The following PTPRT variants were observed in gnomAD, a reference collection of about 807,000 sequenced individuals.
PTPRT encodes receptor-type tyrosine-protein phosphatase T.
PTPRT carries 56 observed loss-of-function variants against 176.8 expected under a neutral mutation model. The observed-to-expected ratio is 0.32, with a 90% CI of 0.26 to 0.40. The LOEUF (loss-of-function observed/expected upper bound fraction) is 0.40, where lower values mean the gene tolerates loss of function less well. Ranked by LOEUF, PTPRT falls within the 10% of genes least tolerant of loss-of-function variation. The probability of loss-of-function intolerance (pLI) is 1.00; values close to 1 mark genes in which losing one functional copy is unlikely to be tolerated. For synonymous variants in PTPRT, 783 were observed against 739.0 expected, an observed-to-expected ratio of 1.06 and a Z score of -0.96; for missense variants, 1,540 against 1,908.2, an observed-to-expected ratio of 0.81 and a Z score of 3.60.
In PTPRT at chr20:42,213,991, C is replaced by A. The variant is rs1359056555; in HGVS notation, c.2343-14603G>T. 2.0e-5 allele frequency among the ~76,000 whole-genome samples: 3 copies of A among 152,124 alleles called. No individual in the cohort carries two copies. In the East Asian group the frequency reaches 5.8e-4, roughly 29 times the overall value. On this transcript the variant is annotated intron_variant, in intron 15 of 30. Coordinates refer to ENST00000373187, the MANE Select transcript of PTPRT (RefSeq NM_007050.6). ...TTATAGAGTACTTATTGAATACCAG[C>A]CACTATTCAAGGCCTTTATAAACAG...
chr20:42,342,017 G>C (rs901983573), intron 11 of PTPRT, among the ~76,000 whole-genome samples: 15 of 152,204 alleles, frequency 9.9e-5, no homozygotes, highest in Admixed American at 9.8e-4. Context: ...GACCTGAAAT[G>C]CAGTCAGGGT....
At chr20:42,492,910 T>C (rs1188182549) in intron 7 of PTPRT, among the ~76,000 whole-genome samples, 1 of 152,208 alleles carries the variant, frequency 6.6e-6, no homozygotes. Flanking sequence ...AATTTGTCAA[T>C]ATGTTAATAA....
At chr20:42,984,041 A>G (rs1983425394) in intron 1 of PTPRT, among the ~76,000 whole-genome samples, 1 of 152,230 alleles carries the variant, frequency 6.6e-6, no homozygotes, top group South Asian at 2.1e-4. Flanking sequence ...TTCGCTCACA[A>G]TCACATGCAT....
At chr20:42,129,522 G>C (rs1382289694) in intron 18 of PTPRT, among the ~76,000 whole-genome samples, 1 of 152,164 alleles carries the variant, frequency 6.6e-6, no homozygotes, top group Non-Finnish European at 1.5e-5. Context: ...GAAGAATCAG[G>C]ATAATCCTTT....
intron 2 of PTPRT, among the ~76,000 whole-genome samples, chr20:42,805,696 C>G (rs1237546128): frequency 2.6e-5 from 4 of 152,138 alleles, no homozygotes; most frequent in African/African-American, 9.7e-5. Context: ...TTTAGCTCAT[C>G]TTTCGAGGCT....
At chr20:42,168,350 T>C (rs1407765638) in intron 16 of PTPRT, among the ~76,000 whole-genome samples, 3 of 152,218 alleles carry the variant, frequency 2.0e-5, no homozygotes, top group Non-Finnish European at 2.9e-5. Flanking sequence ...ATGATCATGA[T>C]TGATCATCAT....
At chr20:42,936,260 G>T (rs1048233600) in intron 1 of PTPRT, among the ~76,000 whole-genome samples, 3 of 152,202 alleles carry the variant, frequency 2.0e-5, no homozygotes, top group African/African-American at 7.2e-5. Flanking sequence ...AGGCTCCAGT[G>T]AGAAGGTAAC....
At chr20:43,158,771 T>C (rs1197379249) in intron 1 of PTPRT, among the ~76,000 whole-genome samples, 1 of 152,014 alleles carries the variant, frequency 6.6e-6, no homozygotes, top group Non-Finnish European at 1.5e-5. Flanking sequence ...GAACATGGAG[T>C]CAGAAAATCT....
rs724159838 is a variant in PTPRT, at chr20:42,448,315, G to A, written c.1465C>T (p.Pro489Ser). ...GGCCCCCCTTGGATGGATTCTAGAG[G>A]AACAGCTCCTGGAACTACAGAATGG... ...QTEEDVPGAV[P>S]LESIQGGPFE... Residue 489 changes from proline (P) to serine (S), a missense_variant, in exon 9 of 31, where the codon CCT becomes TCT. Pro to Ser is a moderately conservative substitution (Grantham distance 74). Transcript: ENST00000373187. 9.9e-6 allele frequency: 16 copies of A among 1,612,034 alleles called. No homozygotes were observed. The East Asian group carries it at 3.6e-4, about 36-fold the overall frequency.
chr20:42,119,448 T>A (rs1017484243), intron 20 of PTPRT, among the ~76,000 whole-genome samples: 6 of 152,220 alleles, frequency 3.9e-5, no homozygotes, highest in African/African-American at 1.4e-4. Context: ...ATCTGCAGGA[T>A]TTTTTTCCAG....
chr20:42,718,857 C>T (rs1031187080), intron 6 of PTPRT, among the ~76,000 whole-genome samples: 5 of 152,120 alleles, frequency 3.3e-5, no homozygotes, highest in African/African-American at 9.7e-5. Context: ...GGTTTATCCA[C>T]ACACACACCA....
chr20:42,051,140 G>A, the PTPRT span, among the ~76,000 whole-genome samples: 3 of 152,274 alleles, frequency 2.0e-5, no homozygotes, highest in East Asian at 3.9e-4. Context: ...TTGGGCCCAC[G>A]GTTTGGGTCT....
chr20:42,755,120 G>A (rs1428486770), intron 6 of PTPRT, among the ~76,000 whole-genome samples: 2 of 152,140 alleles, frequency 1.3e-5, no homozygotes, highest in East Asian at 1.9e-4. Flanking sequence ...AGGTGTGGGC[G>A]GGGGGTCAGG....
Position 42,756,543 on chromosome 20 carries a change from G to A in PTPRT, c.778C>T (p.Arg260Trp), listed in dbSNP as rs1423243089. The A allele has an allele frequency of 6.2e-6, 10 of 1,612,806 alleles. No individual in the cohort carries two copies. The highest frequency in any genetic ancestry group is 1.7e-6 in the Non-Finnish European group (2 of 1,179,186). Reference protein sequence around the residue: ...ATVSVADTAQRSVSKYRCVIR... With the variant: ...ATVSVADTAQWSVSKYRCVIR... ...ACACAGCGGTACTTGCTGACGCTCCGCTGGGCAGTGTCTGCCACACTGACT... is the reference window on the plus strand; with the variant it reads ...ACACAGCGGTACTTGCTGACGCTCCACTGGGCAGTGTCTGCCACACTGACT... Residue 260 changes from arginine to tryptophan, a missense_variant, in exon 6 of 31, where the codon CGG becomes TGG. Coordinates refer to ENST00000373187, the MANE Select transcript of PTPRT (RefSeq NM_007050.6).
At chr20:42,372,748 G>C (rs773222380) in intron 9 of PTPRT, among the ~76,000 whole-genome samples, 5 of 152,080 alleles carry the variant, frequency 3.3e-5, no homozygotes, top group African/African-American at 1.2e-4. Context: ...AAGGATTAGC[G>C]CCCTTATAAA....
chr20:42,200,103 T>C (rs1464024341), intron 15 of PTPRT, among the ~76,000 whole-genome samples: 1 of 151,400 alleles, frequency 6.6e-6, no homozygotes, highest in Non-Finnish European at 1.5e-5. Flanking sequence ...ATCATTGAAG[T>C]AGGACAGGAC....
chr20:42,718,602 C>T (rs950719943), intron 6 of PTPRT, among the ~76,000 whole-genome samples: 1 of 152,070 alleles, frequency 6.6e-6, no homozygotes, highest in Non-Finnish European at 1.5e-5. Context: ...AATATAATTT[C>T]AAGTGGAAGA....
chr20:42,927,779 G>C (rs2145966227), intron 1 of PTPRT, among the ~76,000 whole-genome samples: 1 of 152,270 alleles, frequency 6.6e-6, no homozygotes, highest in Non-Finnish European at 1.5e-5. Context: ...GCCCAGGTAT[G>C]GTACAGTGAA....
chr20:42,132,005 A>C (rs566423335), intron 18 of PTPRT, among the ~76,000 whole-genome samples: 1 of 152,286 alleles, frequency 6.6e-6, no homozygotes, highest in Admixed American at 6.5e-5. Context: ...CAGAGGAGGC[A>C]GCAGCGGGGG....
Sources: allele counts gnomAD v4.1 joint callset (sites outside exome capture counted in the v4.1 genomes callset), GRCh38; gene constraint gnomAD v4.1.1; transcripts MANE v1.5; gene names NCBI Gene and HGNC (gene_info 2026-07-23, HGNC 2026-07-21).